Variants in KDM6A observed in about 807,000 individuals in gnomAD.
KDM6A encodes the protein lysine-specific demethylase 6A.
In KDM6A, 11 loss-of-function variants were observed where a neutral mutation model predicts 117.6. The ratio of observed to expected loss-of-function variants is 0.09; its 90% CI spans 0.06 to 0.15. The LOEUF (loss-of-function observed/expected upper bound fraction) is 0.15, where lower values mean the gene tolerates loss of function less well. Among genes scored for constraint, KDM6A ranks in the 10% least tolerant of loss-of-function variants. The probability of loss-of-function intolerance (pLI) is 1.00; values close to 1 mark genes in which losing one functional copy is unlikely to be tolerated. For missense variants in KDM6A, 799 were observed against 1,077.3 expected, an observed-to-expected ratio of 0.74 and a Z score of 3.62; for synonymous variants, 384 against 396.1, an observed-to-expected ratio of 0.97 and a Z score of 0.36.
At chrX:45,049,613 A>G (rs1055756868) in intron 8 of KDM6A, among the ~76,000 whole-genome samples, 1 of 111,790 alleles carries the variant, frequency 8.9e-6, no homozygotes, top group African/African-American at 3.3e-5. Context: ...TGTTAAGATA[A>G]TTCATGAAGG....
intron 3 of KDM6A, among the ~76,000 whole-genome samples, chrX:44,972,309 G>A (rs1569493773): frequency 9.0e-6 from 1 of 111,064 alleles, no homozygotes; most frequent in East Asian, 2.8e-4. Flanking sequence ...CCACAAGCCT[G>A]TGTTCTCTCC....
chrX:45,086,003 T>G, intron 25 of KDM6A, 24 bp downstream of exon 25: 1 of 942,301 alleles, frequency 1.1e-6, no homozygotes, highest in African/African-American at 1.9e-5. Flanking sequence ...GTAAATTTTC[T>G]TAAAACATAT....
intron 27 of KDM6A, among the ~76,000 whole-genome samples, chrX:45,094,101 CA>C (rs1214738050): frequency 9.0e-6 from 1 of 111,421 alleles, no homozygotes; most frequent in Non-Finnish European, 1.9e-5. Context: ...AAATAATTGT[CA>C]TTGAGCCATT....
intron 2 of KDM6A, among the ~76,000 whole-genome samples, chrX:44,952,271 C>CTTTTTT (rs35385542): frequency 3.3e-5 from 3 of 89,910 alleles, no homozygotes; most frequent in African/African-American, 1.4e-4. Flanking sequence ...TTCTACTGAC[C>CTTTTTT]TTTTTTTTTT....
chrX:44,933,010 C>T (rs1243302830), intron 2 of KDM6A, among the ~76,000 whole-genome samples: 1 of 107,252 alleles, frequency 9.3e-6, no homozygotes, highest in African/African-American at 3.4e-5. Flanking sequence ...GTCTCAGCCT[C>T]CCGAGTAGCT....
chrX:44,890,421 T>A (rs1272460659), intron 2 of KDM6A, among the ~76,000 whole-genome samples: 1 of 111,525 alleles, frequency 9.0e-6, no homozygotes, highest in Non-Finnish European at 1.9e-5. Context: ...AAGAGTACAA[T>A]TGCTGGTAGT....
intron 4 of KDM6A, among the ~76,000 whole-genome samples, chrX:44,997,341 C>G (rs2040910146): frequency 8.9e-6 from 1 of 111,954 alleles, no homozygotes; most frequent in Non-Finnish European, 1.9e-5. Context: ...CCCCAGCTCT[C>G]CTCCGACTGC....
chrX:44,913,747 T>TAC (rs1173034377), intron 2 of KDM6A, among the ~76,000 whole-genome samples: 1 of 109,471 alleles, frequency 9.1e-6, no homozygotes, highest in Non-Finnish European at 1.9e-5. Flanking sequence ...TGTGTGCGTA[T>TAC]ATATATATAT....
chrX:45,040,807 T>C (rs1602687974), intron 8 of KDM6A, among the ~76,000 whole-genome samples: 4 of 73,126 alleles, frequency 5.5e-5, no homozygotes, highest in East Asian at 5.2e-4. Flanking sequence ...ACGGGGCGGC[T>C]GGCCGGGCGG....
At chrX:45,000,060 TACA>T (rs1370645328) in intron 4 of KDM6A, among the ~76,000 whole-genome samples, 1 of 111,849 alleles carries the variant, frequency 8.9e-6, no homozygotes, top group East Asian at 2.8e-4. Flanking sequence ...GGGATGAAAG[TACA>T]ACATTGAGTT....
intron 3 of KDM6A, among the ~76,000 whole-genome samples, chrX:44,968,218 A>G (rs1464627504): frequency 1.8e-5 from 2 of 112,645 alleles, no homozygotes; most frequent in African/African-American, 3.2e-5. Flanking sequence ...CATATTGAAC[A>G]TGGGCCAGCC....
At chrX:45,105,003 G>A (rs2046472974) in intron 27 of KDM6A, among the ~76,000 whole-genome samples, 1 of 111,586 alleles carries the variant, frequency 9.0e-6, no homozygotes, top group South Asian at 3.8e-4. Context: ...AGTGTAGTCA[G>A]TGGCATTGAA....
chrX:44,925,037 G>A (rs919719375), intron 2 of KDM6A, among the ~76,000 whole-genome samples: 2 of 111,740 alleles, frequency 1.8e-5, no homozygotes, highest in Admixed American at 1.9e-4. Context: ...TACATAGTAG[G>A]TGTATATATG....
chrX:44,907,305 T>G (rs1378938308), intron 2 of KDM6A, among the ~76,000 whole-genome samples: 1 of 110,963 alleles, frequency 9.0e-6, no homozygotes, highest in Admixed American at 9.7e-5. Context: ...GAGATGGAGC[T>G]TCGCTCTTAT....
At chrX:44,962,676 A>C (rs1005121583) in intron 3 of KDM6A, among the ~76,000 whole-genome samples, 1 of 111,664 alleles carries the variant, frequency 9.0e-6, no homozygotes, top group Non-Finnish European at 1.9e-5. Flanking sequence ...AAACCAATCA[A>C]ACAAAATTTT....
chrX:44,975,361 A>G (rs1288231778), intron 4 of KDM6A, among the ~76,000 whole-genome samples: 2 of 107,227 alleles, frequency 1.9e-5, no homozygotes, highest in African/African-American at 3.4e-5. Flanking sequence ...TTATTTTTCT[A>G]TTGGTTAATT....
At chrX:45,039,503 ATTTT>A (rs756202597) in intron 8 of KDM6A, among the ~76,000 whole-genome samples, 11 of 61,253 alleles carry the variant, frequency 1.8e-4, no homozygotes, top group African/African-American at 5.8e-4. Flanking sequence ...TCATTTGATA[ATTTT>A]TTTTTTTTTT....
In KDM6A at chrX:44,964,403, C is replaced by T. The variant is rs371228602; in HGVS notation, c.334+3011C>T. Among the ~76,000 whole-genome samples, 10 of 101,238 alleles carry T rather than the reference C, an allele frequency of 9.9e-5. No individual in the cohort carries two copies. In the South Asian group the frequency reaches 2.0e-3, roughly 20 times the overall value. The allele number at this position is 101,238 out of a possible 115,157, so 87.9% of individuals were successfully genotyped here. A position where few individuals can be genotyped will look rare whatever the true frequency, so the allele number is the denominator to read the frequency against. On this transcript the variant is annotated intron_variant, in intron 3 of 29. Coordinates refer to ENST00000611820, the MANE Select transcript of KDM6A (RefSeq NM_001291415.2). ...GGGGGAGGTTGCAGTGAGCTGAGATCGCACCATTGCACTCCAGCCTGGGTG... is the reference window on the plus strand; with the variant it reads ...GGGGGAGGTTGCAGTGAGCTGAGATTGCACCATTGCACTCCAGCCTGGGTG...
chrX:44,975,540 C>T lies in KDM6A; in HGVS notation c.384+825C>T, dbSNP rs757075957. ...TTTTTAAGTCTTTTGAAAATATCTTCTCTAATCTCTGGCTTTTTTTTAAAA... is the reference window on the plus strand; with the variant it reads ...TTTTTAAGTCTTTTGAAAATATCTTTTCTAATCTCTGGCTTTTTTTTAAAA... On this transcript the variant is annotated intron_variant, in intron 4 of 29. Transcript: ENST00000611820. Among the ~76,000 whole-genome samples the T allele has an allele frequency of 3.9e-3, 430 of 111,089 alleles. 2 individuals carry two copies. Among genetic ancestry groups the T allele is most frequent in the African/African-American group, 0.013 (407 of 30,557 alleles).
Sources: allele counts gnomAD v4.1 joint callset (sites outside exome capture counted in the v4.1 genomes callset), GRCh38; gene constraint gnomAD v4.1.1; transcripts MANE v1.5; gene names NCBI Gene and HGNC (gene_info 2026-07-23, HGNC 2026-07-21).